The following HS6ST2 variants were observed in gnomAD, a reference collection of about 807,000 sequenced individuals.
The protein encoded by HS6ST2 is heparan sulfate 6-O-sulfotransferase 2, also known as heparan-sulfate 6-O-sulfotransferase 2.
HS6ST2 carries 17 observed loss-of-function variants against 33.0 expected under a neutral mutation model. That is an observed-to-expected ratio of 0.52 (90% confidence interval 0.35 to 0.77). The LOEUF is 0.77. HS6ST2 is among the 30% of genes least tolerant of loss of function. The probability of loss-of-function intolerance (pLI) is 0.01; values close to 1 mark genes in which losing one functional copy is unlikely to be tolerated. For missense variants in HS6ST2, 519 were observed against 551.7 expected (o/e 0.94, Z 0.59); for synonymous variants, 248 against 237.1 (o/e 1.05, Z -0.42).
At chrX:132,928,642 C>T (rs2066733796) in intron 2 of HS6ST2, among the ~76,000 whole-genome samples, 1 of 111,119 alleles carries the variant, frequency 9.0e-6, no homozygotes, top group South Asian at 3.9e-4. Flanking sequence ...ACAGAGCCTA[C>T]CCTAATTTGA....
intron 2 of HS6ST2, among the ~76,000 whole-genome samples, chrX:132,902,482 C>T (rs2066434745): frequency 8.9e-6 from 1 of 112,017 alleles, no homozygotes; most frequent in Non-Finnish European, 1.9e-5. Context: ...GCAGCTACTA[C>T]CAAAACATCA....
intron 4 of HS6ST2, among the ~76,000 whole-genome samples, chrX:132,645,050 T>C (rs1049621770): frequency 8.9e-6 from 1 of 111,766 alleles, no homozygotes; most frequent in African/African-American, 3.3e-5. Context: ...AGCTTCTCCA[T>C]TCCTCCTCCT....
rs750108921 is a variant in HS6ST2, at chrX:132,628,529, C to T, written c.1632G>A (p.Gln544=). Residue 544 remains glutamine (Q), a synonymous_variant, in exon 5 of 5, where the codon CAG becomes CAA. Coordinates refer to ENST00000370833, the MANE Select transcript of HS6ST2 (RefSeq NM_001394073.1). ...TTCGCCTGGCCTCCTGATGCTCTTT[C>T]TGCCTCATAAACTGATACCTCTGCA... is the stretch of plus-strand genomic sequence containing the variant. ...LFLQRYQFMR[Q]KEHQEARRKR... is the part of the protein sequence containing the mutation. 8 of 1,209,257 alleles carry T rather than the reference C, an allele frequency of 6.6e-6. No individual in the cohort carries two copies. In the Admixed American group the frequency reaches 1.8e-4, roughly 26 times the overall value.
chrX:132,703,500 A>T (rs780450728), intron 3 of HS6ST2, among the ~76,000 whole-genome samples: 4 of 112,460 alleles, frequency 3.6e-5, no homozygotes, highest in African/African-American at 1.3e-4. Context: ...GAATGGGACC[A>T]TTCTTCTGCA....
rs192462929 is a variant in HS6ST2 at position 132,763,477 on chromosome X, A to G, written c.948-54983T>C. Among the ~76,000 whole-genome samples the G allele has an allele frequency of 3.2e-4, 36 of 112,234 alleles. 1 individual carries two copies. The East Asian group carries it at 0.01, about 32-fold the overall frequency. On this transcript the variant is annotated intron_variant, in intron 2 of 4. Coordinates refer to ENST00000370833, the MANE Select transcript of HS6ST2 (RefSeq NM_001394073.1). ...CCTGCTAGCACACCGTGGTACGGAG[A>G]AACAGCAGACAGTGCAGACTCGAGA...
intron 2 of HS6ST2, among the ~76,000 whole-genome samples, chrX:132,900,833 G>A (rs1358672197): frequency 2.7e-5 from 3 of 110,949 alleles, no homozygotes; most frequent in Non-Finnish European, 5.7e-5. Flanking sequence ...CTTTGAATGG[G>A]TGATGGATAT....
intron 2 of HS6ST2, among the ~76,000 whole-genome samples, chrX:132,786,416 T>C (rs774683781): frequency 9.0e-6 from 1 of 110,841 alleles, no homozygotes; most frequent in African/African-American, 3.3e-5. Flanking sequence ...ACTACAAAGG[T>C]TCAGCACTTT....
At chrX:132,769,363 T>C (rs1455886997) in intron 2 of HS6ST2, among the ~76,000 whole-genome samples, 1 of 112,236 alleles carries the variant, frequency 8.9e-6, no homozygotes, top group African/African-American at 3.2e-5. Flanking sequence ...ACAGTTAATT[T>C]GTCCTCATTC....
At chrX:132,793,048 CTTTTTT>C (rs755535720) in intron 2 of HS6ST2, among the ~76,000 whole-genome samples, 8 of 53,228 alleles carry the variant, frequency 1.5e-4, no homozygotes, top group African/African-American at 2.1e-4. Flanking sequence ...AAATAAACTC[CTTTTTT>C]TTTTTTTTTT....
intron 2 of HS6ST2, among the ~76,000 whole-genome samples, chrX:132,870,829 G>T (rs1253774142): frequency 3.6e-5 from 4 of 111,393 alleles, no homozygotes. Flanking sequence ...GAAAACCTAG[G>T]CAATACCATT....
At chrX:132,956,741 C>T in intron 2 of HS6ST2, 67 bp downstream of exon 2, 4 of 1,090,166 alleles carry the variant, frequency 3.7e-6, no homozygotes, top group South Asian at 2.3e-5. Flanking sequence ...CGGCTTGGGC[C>T]AGCCGCGCCT....
chrX:132,944,871 T>A (rs1240174673), intron 2 of HS6ST2, among the ~76,000 whole-genome samples: 3 of 111,347 alleles, frequency 2.7e-5, no homozygotes, highest in Admixed American at 9.5e-5. Context: ...GATTAAAGAC[T>A]TAAATGTTAG....
Position 132,957,241 on chromosome X carries a change from C to T in HS6ST2, c.514G>A (p.Val172Met). 9 of 1,200,699 alleles carry T rather than the reference C, an allele frequency of 7.5e-6. No homozygotes were observed. Among genetic ancestry groups the T allele is most frequent in the Non-Finnish European group, 1.0e-5 (9 of 889,509 alleles). Residue 172 changes from valine (V) to methionine (M), a missense_variant, in exon 2 of 5, where the codon GTG (valine) becomes ATG (methionine). Transcript: ENST00000370833. ...AGCTGGCATTCTGTGCCGGGGCACA[C>T]GTATTGGAGGACGATCACGGCAAAT... ...FLFAVIVLQY[V>M]CPGTECQLLR...
chrX:132,805,859 G>T (rs1182030972), intron 2 of HS6ST2, among the ~76,000 whole-genome samples: 1 of 110,531 alleles, frequency 9.0e-6, no homozygotes, highest in East Asian at 2.8e-4. Context: ...CACCTTAGTT[G>T]AATAGATTGA....
chrX:132,646,457 C>A (rs2063643345), intron 4 of HS6ST2, among the ~76,000 whole-genome samples: 1 of 106,562 alleles, frequency 9.4e-6, no homozygotes, highest in East Asian at 2.9e-4. Flanking sequence ...CCACTTGAGC[C>A]CAGGAGGTTG....
intron 2 of HS6ST2, among the ~76,000 whole-genome samples, chrX:132,813,774 C>G (rs1389359084): frequency 9.1e-6 from 1 of 110,174 alleles, no homozygotes; most frequent in Non-Finnish European, 1.9e-5. Context: ...TTTTACCTAC[C>G]GTAAAAGCCT....
chrX:132,706,955 A>T (rs1315636734), intron 3 of HS6ST2, among the ~76,000 whole-genome samples: 1 of 112,185 alleles, frequency 8.9e-6, no homozygotes, highest in African/African-American at 3.2e-5. Flanking sequence ...CATTAAGACC[A>T]GGTATTAGTT....
intron 2 of HS6ST2, among the ~76,000 whole-genome samples, chrX:132,730,129 A>AAGAAGAGC (rs1359216433): frequency 9.0e-6 from 1 of 111,711 alleles, no homozygotes; most frequent in Admixed American, 9.5e-5. Flanking sequence ...TCTGCAAGTC[A>AAGAAGAGC]AGAAGAGCAG....
Position 132,949,166 on chromosome X carries a change from T to C in HS6ST2, c.947+7642A>G, listed in dbSNP as rs1220287824. Reference sequence around the variant, plus strand: ...ACACTAACTGATCTAAGCTCCCAGTTATGGATGTTTAGAACTATAGCCCTT... The same window carrying C: ...ACACTAACTGATCTAAGCTCCCAGTCATGGATGTTTAGAACTATAGCCCTT... On this transcript the variant is annotated intron_variant, in intron 2 of 4. Coordinates refer to ENST00000370833, the MANE Select transcript of HS6ST2 (RefSeq NM_001394073.1). Among the ~76,000 whole-genome samples, 3 of 110,134 alleles carry C rather than the reference T, an allele frequency of 2.7e-5. No individual in the cohort carries two copies. The Admixed American group carries it at 2.9e-4, about 11-fold the overall frequency.
Sources: allele counts gnomAD v4.1 joint callset (sites outside exome capture counted in the v4.1 genomes callset), GRCh38; gene constraint gnomAD v4.1.1; transcripts MANE v1.5; gene names NCBI Gene and HGNC (gene_info 2026-07-23, HGNC 2026-07-21).